The following MGST1 variants were observed in gnomAD, a reference collection of about 807,000 sequenced individuals.
The protein encoded by MGST1 is glutathione S-transferase 12.
MGST1 carries 5 observed loss-of-function variants against 8.9 expected under a neutral mutation model. The ratio of observed to expected loss-of-function variants is 0.56; its 90% CI spans 0.29 to 1.19. MGST1 has a LOEUF of 1.19. MGST1 is among the 50% of genes most tolerant of loss of function. The pLI is 0.08. For synonymous variants in MGST1, 54 were observed against 67.8 expected (o/e 0.80, Z 1.00); for missense variants, 182 against 187.4 (o/e 0.97, Z 0.17).
chr12:16,427,403 G>C (rs1257894501), intron 1 of MGST1, among the ~76,000 whole-genome samples: 1 of 152,144 alleles, frequency 6.6e-6, no homozygotes, highest in African/African-American at 2.4e-5. Flanking sequence ...TTTTGTCTGA[G>C]ACAGAGTCTG....
At chr12:16,480,401 A>G (rs1941356804) in intron 4 of MGST1, among the ~76,000 whole-genome samples, 1 of 152,284 alleles carries the variant, frequency 6.6e-6, no homozygotes, top group Middle Eastern at 3.4e-3. Context: ...TCAATCTCCC[A>G]AAGTGCTGGG....
intron 4 of MGST1, among the ~76,000 whole-genome samples, chr12:16,492,763 G>A (rs1202077345): frequency 6.6e-6 from 1 of 152,148 alleles, no homozygotes; most frequent in Admixed American, 6.6e-5. Context: ...AGGTCCCAAG[G>A]TTGGAGTCTG....
At chr12:16,507,596 C>G (rs1941546832) in intron 4 of MGST1, among the ~76,000 whole-genome samples, 1 of 152,130 alleles carries the variant, frequency 6.6e-6, no homozygotes, top group African/African-American at 2.4e-5. Flanking sequence ...TTAATTGATT[C>G]ACAGTTCTGC....
At chr12:16,358,111 A>G (rs1416781587) in intron 3 of MGST1, among the ~76,000 whole-genome samples, 1 of 152,188 alleles carries the variant, frequency 6.6e-6, no homozygotes. Flanking sequence ...GAGGAGTAGG[A>G]ACCTCTTTCT....
intron 4 of MGST1, among the ~76,000 whole-genome samples, chr12:16,539,965 C>T (rs1941783140): frequency 1.3e-5 from 2 of 152,186 alleles, no homozygotes; most frequent in Admixed American, 6.5e-5. Flanking sequence ...ACTTGGAAGT[C>T]TTTGTGTGTG....
intron 1 of MGST1, among the ~76,000 whole-genome samples, chr12:16,402,736 C>T (rs1005991261): frequency 1.3e-5 from 2 of 151,802 alleles, no homozygotes; most frequent in Non-Finnish European, 2.9e-5. Flanking sequence ...ACTAGTCTAA[C>T]CAGATATTTG....
At chr12:16,419,903 A>C (rs1287391406) in intron 1 of MGST1, among the ~76,000 whole-genome samples, 1 of 152,210 alleles carries the variant, frequency 6.6e-6, no homozygotes, top group Non-Finnish European at 1.5e-5. Flanking sequence ...CAACAGTCTA[A>C]TCAGAGTGAA....
chr12:16,471,412 TTATC>T (rs1482075001), intron 4 of MGST1, among the ~76,000 whole-genome samples: 2 of 152,226 alleles, frequency 1.3e-5, no homozygotes, highest in African/African-American at 4.8e-5. Context: ...ATTAATAATT[TTATC>T]AATCAATACA....
chr12:16,580,570 A>T (rs1943128378), intron 4 of MGST1, among the ~76,000 whole-genome samples: 1 of 152,228 alleles, frequency 6.6e-6, no homozygotes, highest in South Asian at 2.1e-4. Flanking sequence ...AACAAGGATC[A>T]GGTAGTAGAT....
intron 1 of MGST1, among the ~76,000 whole-genome samples, chr12:16,351,984 A>G (rs141710442): frequency 6.6e-6 from 1 of 152,316 alleles, no homozygotes; most frequent in African/African-American, 2.4e-5. Flanking sequence ...CTTAATGTCA[A>G]TTGAATTAGA....
chr12:16,507,152 A>G (rs1162622847), intron 4 of MGST1, among the ~76,000 whole-genome samples: 1 of 152,216 alleles, frequency 6.6e-6, no homozygotes, highest in African/African-American at 2.4e-5. Context: ...TTCCCTAGAT[A>G]GAGAAAGAGG....
At chr12:16,379,275 G>A (rs550313319), downstream of MGST1, among the ~76,000 whole-genome samples, 12 of 152,214 alleles carry the variant, frequency 7.9e-5, no homozygotes, top group South Asian at 2.3e-3. Context: ...TATGATATTC[G>A]CTGTGGGTTT....
chr12:16,373,542 TA>T (rs1481045887), intron 3 of MGST1, among the ~76,000 whole-genome samples: 2 of 151,870 alleles, frequency 1.3e-5, no homozygotes, highest in African/African-American at 4.8e-5. Flanking sequence ...TCCGTATCCA[TA>T]AGAATAAAAA....
chr12:16,357,431 AT>A (rs148513428), intron 2 of MGST1, 173 bp from the exon 3 acceptor site: 6 of 541,412 alleles, frequency 1.1e-5, no homozygotes, highest in Non-Finnish European at 1.6e-5. Flanking sequence ...ACCATGCAAA[AT>A]TTTTTTTAAA....
intron 4 of MGST1, among the ~76,000 whole-genome samples, chr12:16,465,324 G>A (rs1007917089): frequency 1.3e-5 from 2 of 152,128 alleles, no homozygotes; most frequent in African/African-American, 4.8e-5. Context: ...AGGACCAATC[G>A]GATTCAACTC....
At chr12:16,422,277 T>A (rs1940845112) in intron 1 of MGST1, among the ~76,000 whole-genome samples, 1 of 152,172 alleles carries the variant, frequency 6.6e-6, no homozygotes, top group African/African-American at 2.4e-5. Flanking sequence ...CTATATATAT[T>A]TATCTTGGAC....
At chr12:16,476,373 T>A (rs1329339945) in intron 4 of MGST1, among the ~76,000 whole-genome samples, 2 of 152,230 alleles carry the variant, frequency 1.3e-5, no homozygotes, top group African/African-American at 4.8e-5. Flanking sequence ...ATTCTTGGTG[T>A]ATATGCTACT....
intron 4 of MGST1, among the ~76,000 whole-genome samples, chr12:16,476,215 A>G (rs1478891471): frequency 2.0e-5 from 3 of 152,202 alleles, no homozygotes; most frequent in South Asian, 2.1e-4. Flanking sequence ...CATCTTTAAC[A>G]TCATAAGCTA....
intron 4 of MGST1, among the ~76,000 whole-genome samples, chr12:16,545,328 CATT>C (rs1231272647): frequency 4.6e-5 from 7 of 152,122 alleles, no homozygotes; most frequent in East Asian, 1.9e-4. Context: ...TAGCAGCAAA[CATT>C]ATATTTTATG....
Sources: allele counts gnomAD v4.1 joint callset (sites outside exome capture counted in the v4.1 genomes callset), GRCh38; gene constraint gnomAD v4.1.1; transcripts MANE v1.5; gene names NCBI Gene and HGNC (gene_info 2026-07-23, HGNC 2026-07-21).